HELLS: variants seen among roughly 807,000 people sequenced by gnomAD.
The protein encoded by HELLS is lymphoid-specific helicase.
A neutral mutation model predicts 120.0 loss-of-function variants in HELLS; 32 were observed. The observed-to-expected ratio is 0.27, with a 90% CI of 0.20 to 0.36. The LOEUF is 0.36. HELLS is among the 10% of genes least tolerant of loss of function. The pLI is 1.00. For synonymous variants in HELLS, 341 were observed against 323.4 expected (o/e 1.05, Z -0.58); for missense variants, 650 against 993.4 (o/e 0.65, Z 4.65).
At chr10:94,562,368 A>C (rs1843601466) in intron 4 of HELLS, among the ~76,000 whole-genome samples, 1 of 152,130 alleles carries the variant, frequency 6.6e-6, no homozygotes. Context: ...GTACCAGTGC[A>C]CACTATCCTG....
chr10:94,551,128 T>G (rs748225821), intron 2 of HELLS: 4 of 152,172 alleles, frequency 2.6e-5, no homozygotes, highest in Non-Finnish European at 2.9e-5. Flanking sequence ...AACTGAAAAT[T>G]GAGTTCAAGA....
At chr10:94,604,453 C>A (rs1846104603), downstream of HELLS, among the ~76,000 whole-genome samples, 1 of 149,542 alleles carries the variant, frequency 6.7e-6, no homozygotes, top group African/African-American at 2.5e-5. Context: ...TCTCTGCCCC[C>A]ACCCCCCGCC....
At chr10:94,605,584 C>T (rs188612061), downstream of HELLS, among the ~76,000 whole-genome samples, 197 of 150,104 alleles carry the variant, frequency 1.3e-3, no homozygotes, top group African/African-American at 4.6e-3. Flanking sequence ...CTCAGAATTT[C>T]GAAAGTTGTT....
rs374917703 is a variant in HELLS, at chr10:94,594,790, C to T, written c.2184C>T (p.Ile728=). 7.4e-5 allele frequency: 120 copies of T among 1,613,516 alleles called. No homozygotes were observed. Among genetic ancestry groups the T allele is most frequent in the Non-Finnish European group, 9.5e-5 (112 of 1,179,576 alleles). The change falls in exon 19 of 22, where the codon ATC becomes ATT. Residue 728 remains isoleucine (I), a synonymous_variant. Coordinates refer to ENST00000348459, the MANE Select transcript of HELLS (RefSeq NM_018063.5). ...VVYRLVTANT[I]DQKIVERAAA... ...ATCGCCTTGTTACAGCAAATACTAT[C>T]GATCAGAAAATTGTGGAAAGAGCAG...
intron 2 of HELLS, among the ~76,000 whole-genome samples, chr10:94,546,962 C>G (rs537503903): frequency 6.6e-6 from 1 of 152,334 alleles, no homozygotes; most frequent in Non-Finnish European, 1.5e-5. Context: ...TTTCCTTATA[C>G]TGTAGTGCTG....
chr10:94,578,105 A>C (rs867864882), intron 10 of HELLS, among the ~76,000 whole-genome samples: 14 of 149,588 alleles, frequency 9.4e-5, no homozygotes, highest in African/African-American at 3.2e-4. Flanking sequence ...AAATACAAAA[A>C]TTAGCTGGGT....
chr10:94,550,340 G>A (rs1426470786), intron 2 of HELLS, among the ~76,000 whole-genome samples: 4 of 151,884 alleles, frequency 2.6e-5, no homozygotes, highest in African/African-American at 9.7e-5. Context: ...GTGCAGTGGC[G>A]TGATCTTGGC....
intron 6 of HELLS, among the ~76,000 whole-genome samples, chr10:94,564,894 C>T (rs1221423109): frequency 6.6e-6 from 1 of 151,944 alleles, no homozygotes; most frequent in Non-Finnish European, 1.5e-5. Context: ...CACTCCTGGC[C>T]ACATTCTTAT....
chr10:94,607,877 G>T, intron 8 of HELLS: 1 of 409,604 alleles, frequency 2.4e-6, no homozygotes, highest in Admixed American at 2.7e-5. Context: ...ACAGGTGCAT[G>T]CCACCACACC....
chr10:94,556,279 G>C (rs1161145351), intron 3 of HELLS, among the ~76,000 whole-genome samples: 1 of 152,204 alleles, frequency 6.6e-6, no homozygotes, highest in Non-Finnish European at 1.5e-5. Flanking sequence ...TGTGTTGATT[G>C]TTGAGTGTGT....
chr10:94,550,281 C>CTTGT (rs755628349), intron 2 of HELLS, among the ~76,000 whole-genome samples: 1 of 150,110 alleles, frequency 6.7e-6, no homozygotes, highest in Admixed American at 6.6e-5. Flanking sequence ...GTTTTTTTTG[C>CTTGT]TTGTTTGTTT....
chr10:94,572,192 T>G (rs1445745464), intron 7 of HELLS, among the ~76,000 whole-genome samples: 1 of 152,178 alleles, frequency 6.6e-6, no homozygotes, highest in African/African-American at 2.4e-5. Context: ...AGATAAACAT[T>G]TAGTTGGATT....
At chr10:94,584,044 C>A in intron 12 of HELLS, 2 of 1,125,876 alleles carry the variant, frequency 1.8e-6, no homozygotes, top group Non-Finnish European at 2.5e-6. Flanking sequence ...TCTTTGAAGG[C>A]AAATTGCCCT....
intron 13 of HELLS, among the ~76,000 whole-genome samples, chr10:94,589,844 G>A (rs559405334): frequency 7.3e-4 from 111 of 151,750 alleles, no homozygotes; most frequent in African/African-American, 2.3e-3. Flanking sequence ...CCGCCACCAC[G>A]CTTGGCTAAT....
chr10:94,557,737 A>G (rs1214817027), intron 3 of HELLS, among the ~76,000 whole-genome samples: 1 of 152,188 alleles, frequency 6.6e-6, no homozygotes, highest in African/African-American at 2.4e-5. Context: ...TGGGAATGCT[A>G]CTGCTCTTAA....
intron 3 of HELLS, among the ~76,000 whole-genome samples, chr10:94,554,656 GTT>G (rs1156596461): frequency 1.7e-5 from 2 of 115,496 alleles, no homozygotes; most frequent in Non-Finnish European, 3.8e-5. Context: ...TTTTTTTTTT[GTT>G]TTTTTTTTTT....
chr10:94,576,929 A>G (rs1844519224), intron 10 of HELLS, 124 bp downstream of exon 10: 1 of 770,418 alleles, frequency 1.3e-6, no homozygotes, highest in East Asian at 2.6e-5. Flanking sequence ...AATAGATTAT[A>G]TTGTGCATAT....
intron 21 of HELLS, 60 bp from the exon 22 acceptor site, chr10:94,601,467 CT>C: frequency 1.1e-6 from 1 of 919,308 alleles, no homozygotes; most frequent in Admixed American, 2.1e-5. Flanking sequence ...TTGGATGTTT[CT>C]TTTACGATTT....
At chr10:94,547,477 G>A (rs1174895143) in intron 2 of HELLS, among the ~76,000 whole-genome samples, 3 of 152,102 alleles carry the variant, frequency 2.0e-5, no homozygotes, top group Non-Finnish European at 4.4e-5. Flanking sequence ...TAATGAGGCC[G>A]TTGGTTCCCT....
Sources: allele counts gnomAD v4.1 joint callset (sites outside exome capture counted in the v4.1 genomes callset), GRCh38; gene constraint gnomAD v4.1.1; transcripts MANE v1.5; gene names NCBI Gene and HGNC (gene_info 2026-07-23, HGNC 2026-07-21).